Variants in CCDC102B observed in about 807,000 individuals in gnomAD.
The protein encoded by CCDC102B is coiled-coil domain-containing protein 102B.
In CCDC102B, 75 loss-of-function variants were observed where a neutral mutation model predicts 57.4. The observed-to-expected ratio is 1.31, with a 90% confidence interval of 1.08 to 1.58. CCDC102B has a LOEUF of 1.58. Ranked by LOEUF, CCDC102B falls within the 40% of genes most tolerant of loss-of-function variation. CCDC102B has a pLI of 0.00. For missense variants in CCDC102B, 636 were observed against 582.6 expected, an observed-to-expected ratio of 1.09 and a Z score of -0.94; for synonymous variants, 206 against 201.9, an observed-to-expected ratio of 1.02 and a Z score of -0.17.
At chr18:69,005,155 AGC>A (rs1252959391) in intron 6 of CCDC102B, among the ~76,000 whole-genome samples, 4 of 152,192 alleles carry the variant, frequency 2.6e-5, no homozygotes, top group African/African-American at 9.6e-5. Context: ...GTATTTAAGT[AGC>A]TGCATTTGAT....
At chr18:68,722,097 T>C (rs1012701524) in intron 2 of CCDC102B, among the ~76,000 whole-genome samples, 24 of 152,228 alleles carry the variant, frequency 1.6e-4, no homozygotes, top group African/African-American at 5.5e-4. Flanking sequence ...TGAAGCTTTA[T>C]TCAAATGGCT....
chr18:68,931,762 T>A (rs1446248980), intron 6 of CCDC102B, among the ~76,000 whole-genome samples: 1 of 151,894 alleles, frequency 6.6e-6, no homozygotes, highest in East Asian at 1.9e-4. Flanking sequence ...GGAAGCCTTA[T>A]GACCAAGCCT....
chr18:68,790,550 C>T (rs965982801), intron 2 of CCDC102B, among the ~76,000 whole-genome samples: 24 of 152,160 alleles, frequency 1.6e-4, no homozygotes, highest in African/African-American at 5.1e-4. Context: ...TTTTCAAGCC[C>T]GTCGGAAAAG....
At chr18:68,821,927 G>A (rs770487119) in intron 1 of CCDC102B, among the ~76,000 whole-genome samples, 4 of 152,030 alleles carry the variant, frequency 2.6e-5, no homozygotes, top group Non-Finnish European at 5.9e-5. Context: ...TGTCAAAAGA[G>A]TTTCAAGATT....
intron 2 of CCDC102B, among the ~76,000 whole-genome samples, chr18:68,722,242 T>C (rs1259307542): frequency 2.0e-5 from 3 of 152,224 alleles, no homozygotes; most frequent in Non-Finnish European, 4.4e-5. Context: ...CCATCCTGAC[T>C]GGAATGTAGT....
intron 6 of CCDC102B, among the ~76,000 whole-genome samples, chr18:68,982,757 T>C: frequency 6.6e-6 from 1 of 151,968 alleles, no homozygotes; most frequent in South Asian, 2.1e-4. Context: ...GTATCTTTTC[T>C]TCCAGGCTAT....
chr18:68,821,214 T>G (rs1211056685), intron 1 of CCDC102B, among the ~76,000 whole-genome samples: 1 of 151,952 alleles, frequency 6.6e-6, no homozygotes, highest in East Asian at 1.9e-4. Flanking sequence ...ACACTAAAAA[T>G]AAATTAGCCT....
chr18:68,820,680 ATCTT>A (rs199690745), intron 1 of CCDC102B, among the ~76,000 whole-genome samples: 3,464 of 152,148 alleles, frequency 0.023, 47 homozygotes, highest in Middle Eastern at 0.068. Flanking sequence ...TCTTTTAAAT[ATCTT>A]TCATTCATTC....
chr18:68,825,699 TAATA>T (rs916523244), intron 1 of CCDC102B, among the ~76,000 whole-genome samples: 1 of 151,944 alleles, frequency 6.6e-6, no homozygotes, highest in Admixed American at 6.6e-5. Flanking sequence ...ATAATAATGA[TAATA>T]AATAAATAAA....
At position 69,024,107 on chromosome 18, in the gene CCDC102B, G is replaced by A. The variant is rs538493247; in HGVS notation, c.1434+13003G>A. On this transcript the variant is annotated intron_variant, in intron 7 of 7. Transcript: ENST00000360242. ...AAAAAAAAATAATAATGGGAAATACGCTTTGGAGGTATTAAAGTTATGTTC... is the reference window on the plus strand; with the variant it reads ...AAAAAAAAATAATAATGGGAAATACACTTTGGAGGTATTAAAGTTATGTTC... Among the ~76,000 whole-genome samples, 11 of 152,016 alleles carry A rather than the reference G, an allele frequency of 7.2e-5. No homozygotes were observed. In the South Asian group the frequency reaches 1.9e-3, roughly 26 times the overall value.
chr18:69,003,001 C>T (rs1363177119), intron 6 of CCDC102B, among the ~76,000 whole-genome samples: 4 of 152,154 alleles, frequency 2.6e-5, no homozygotes, highest in Admixed American at 2.0e-4. Context: ...GTCATCTTGT[C>T]CTCCAATGCT....
intron 7 of CCDC102B, among the ~76,000 whole-genome samples, chr18:69,025,487 G>A (rs958508532): frequency 6.6e-6 from 1 of 152,168 alleles, no homozygotes; most frequent in Non-Finnish European, 1.5e-5. Flanking sequence ...GTACACTACT[G>A]CATGTGCGTG....
intron 6 of CCDC102B, among the ~76,000 whole-genome samples, chr18:69,004,168 G>T (rs1568118199): frequency 6.6e-6 from 1 of 152,104 alleles, no homozygotes; most frequent in Non-Finnish European, 1.5e-5. Context: ...ATATTCTAAA[G>T]TGACAGCCAG....
chr18:68,811,813 G>A (rs773882047), intron 1 of CCDC102B, among the ~76,000 whole-genome samples: 3 of 152,290 alleles, frequency 2.0e-5, no homozygotes, highest in Admixed American at 1.3e-4. Context: ...ACAGAGGACT[G>A]CAGGTCGACT....
chr18:68,910,562 A>T (rs1420291312), intron 6 of CCDC102B, among the ~76,000 whole-genome samples: 1 of 152,164 alleles, frequency 6.6e-6, no homozygotes, highest in East Asian at 1.9e-4. Flanking sequence ...GGCCAGGAGG[A>T]GTTTCTAGTG....
intron 5 of CCDC102B, among the ~76,000 whole-genome samples, chr18:68,895,606 A>T (rs1400691030): frequency 6.6e-6 from 1 of 151,798 alleles, no homozygotes; most frequent in African/African-American, 2.4e-5. Flanking sequence ...AGATATTTTT[A>T]AAATGCCTCA....
intron 2 of CCDC102B, among the ~76,000 whole-genome samples, chr18:68,729,759 C>G (rs1275178218): frequency 6.6e-6 from 1 of 151,922 alleles, no homozygotes; most frequent in Admixed American, 6.6e-5. Flanking sequence ...TTCCTGAATA[C>G]AAATGTTGCA....
At chr18:68,875,533 G>C (rs1462700047) in intron 5 of CCDC102B, among the ~76,000 whole-genome samples, 1 of 152,098 alleles carries the variant, frequency 6.6e-6, no homozygotes, top group Non-Finnish European at 1.5e-5. Flanking sequence ...CTGTAGGCTG[G>C]TAGAAAACTG....
chr18:68,888,277 T>C (rs1412502188), intron 5 of CCDC102B, among the ~76,000 whole-genome samples: 3 of 152,202 alleles, frequency 2.0e-5, no homozygotes, highest in East Asian at 1.9e-4. Context: ...TCAGGTGTTA[T>C]ATCTTCCTAA....
Sources: gnomAD v4.1 joint callset for allele counts (sites outside exome capture counted in the v4.1 genomes callset) on GRCh38, gnomAD v4.1.1 for gene constraint, MANE v1.5 for transcripts, NCBI Gene and HGNC (gene_info 2026-07-23, HGNC 2026-07-21) for gene names.